Variants in CARNMT1 observed in about 807,000 individuals in gnomAD.
The protein encoded by CARNMT1 is carnosine N-methyltransferase 1.
A neutral mutation model predicts 49.6 loss-of-function variants in CARNMT1; 28 were observed. That is an observed-to-expected ratio of 0.56 (90% CI 0.42 to 0.77). The LOEUF is 0.77. Ranked by LOEUF, CARNMT1 falls within the 30% of genes least tolerant of loss-of-function variation. The pLI is 0.00. For missense variants in CARNMT1, 421 were observed against 512.6 expected (o/e 0.82, Z 1.73); for synonymous variants, 178 against 175.0 (o/e 1.02, Z -0.13).
intron 5 of CARNMT1, among the ~76,000 whole-genome samples, chr9:74,997,210 G>A (rs935001911): frequency 6.6e-6 from 1 of 152,084 alleles, no homozygotes; most frequent in Non-Finnish European, 1.5e-5. Context: ...TCCAGAAAAA[G>A]GGGACTTTTA....
intron 3 of CARNMT1, among the ~76,000 whole-genome samples, chr9:75,003,072 T>C (rs1294984831): frequency 2.0e-5 from 3 of 152,196 alleles, no homozygotes; most frequent in African/African-American, 4.8e-5. Flanking sequence ...AAATTGACTA[T>C]AAATCAGGAG....
rs1480131409 is a variant in CARNMT1 at position 74,982,539 on chromosome 9, C to T, written c.*1228G>A. 3 of 152,186 alleles carry T rather than the reference C, an allele frequency of 2.0e-5. No individual in the cohort carries two copies. The highest frequency in any genetic ancestry group is 7.2e-5 in the African/African-American group (3 of 41,452). The allele number at this position is 152,186 out of a possible 1,614,324, so 9.4% of individuals were successfully genotyped here. ...ATCAGGGAACAAAATTGGTATTAAT[C>T]TGAAATTACATGATGGCTGCTGCTT... On this transcript the variant is annotated 3_prime_UTR_variant, in exon 8 of 8. Transcript: ENST00000376834.
rs148719350 is a variant in CARNMT1 at position 75,017,341 on chromosome 9, C to T, written c.338G>A (p.Arg113Gln). Reference protein sequence around the residue: ...PQFLLHLDKIRKCIDHNQEIL... With the variant: ...PQFLLHLDKIQKCIDHNQEIL... ...TTCTTGATTATGATCAATGCATTTC[C>T]GGATCTTGTCCAAGTGAAGAAGAAA... Residue 113 changes from arginine (R) to glutamine (Q), a missense_variant, in exon 2 of 8, where the codon CGG (arginine) becomes CAG (glutamine). By Grantham distance (43) the Arg-to-Gln change is conservative (BLOSUM62 1). Transcript: ENST00000376834. 21 of 1,613,952 alleles carry T rather than the reference C, an allele frequency of 1.3e-5. No homozygotes were observed. Among genetic ancestry groups the T allele is most frequent in the South Asian group, 2.2e-5 (2 of 91,074 alleles).
intron 1 of CARNMT1, among the ~76,000 whole-genome samples, chr9:75,025,226 G>A (rs1587316132): frequency 6.6e-6 from 1 of 152,304 alleles, no homozygotes; most frequent in Non-Finnish European, 1.5e-5. Flanking sequence ...GACCCATGGT[G>A]TTATTTAAGG....
chr9:74,988,058 CT>C (rs995936058), intron 6 of CARNMT1, among the ~76,000 whole-genome samples: 1 of 151,808 alleles, frequency 6.6e-6, no homozygotes, highest in Admixed American at 6.6e-5. Context: ...TCTCTTCGTT[CT>C]TTTTTTCTTT....
At position 74,982,932 on chromosome 9, in the gene CARNMT1, T is replaced by A. The variant is rs1207553156; in HGVS notation, c.*835A>T. ...CTTTCATAAAGTGTTCAGTTTATTG[T>A]GGCCAAAAGACTTTGATATTTCTGT... On this transcript the variant is annotated 3_prime_UTR_variant, in exon 8 of 8. Transcript: ENST00000376834. 1.3e-5 allele frequency: 2 copies of A among 152,206 alleles called. 1 individual carries two copies. Among genetic ancestry groups the A allele is most frequent in the Admixed American group, 1.3e-4 (2 of 15,288 alleles). 9.4% of individuals were successfully genotyped at this position (152,206 alleles called of 1,614,324 possible).
chr9:75,027,036 T>C (rs1204313287), intron 1 of CARNMT1: 1 of 1,291,092 alleles, frequency 7.7e-7, no homozygotes, highest in South Asian at 1.2e-5. Context: ...GGAACCCACC[T>C]ATGGGAACAG....
In CARNMT1 at chr9:74,981,641, T is replaced by C; in HGVS notation, c.*2126A>G. Reference sequence around the variant, plus strand: ...TTTCAGAATTAACTAAAACATATGCTATAATTTAGAAATTTAACATTATTA... The same window carrying C: ...TTTCAGAATTAACTAAAACATATGCCATAATTTAGAAATTTAACATTATTA... On this transcript the variant is annotated 3_prime_UTR_variant, in exon 8 of 8. Coordinates refer to ENST00000376834, the MANE Select transcript of CARNMT1 (RefSeq NM_152420.3). 6.6e-6 allele frequency: 1 copy of C among 152,156 alleles called. No individual in the cohort carries two copies. The highest frequency in any genetic ancestry group is 3.4e-3 in the Middle Eastern group (1 of 294). The allele number at this position is 152,156 out of a possible 1,614,324, so 9.4% of individuals were successfully genotyped here.
rs964101726 is a variant in CARNMT1, at chr9:74,989,286, CT to C, written c.1025-4277del. On this transcript the variant is annotated intron_variant, in intron 6 of 7. Coordinates refer to ENST00000376834, the MANE Select transcript of CARNMT1 (RefSeq NM_152420.3). ...CCACTACACCTGGCTAATTTTTAAA[CT>C]TTTTTTTTAGAGATGAAGGGTCTTG... is the stretch of plus-strand genomic sequence containing the variant. Among the ~76,000 whole-genome samples, 248 of 150,882 alleles carry C rather than the reference CT, an allele frequency of 1.6e-3. 2 individuals carry two copies. Among genetic ancestry groups the C allele is most frequent in the African/African-American group, 5.0e-3 (206 of 41,114 alleles).
At chr9:74,995,300 C>A (rs1833154006) in intron 6 of CARNMT1, among the ~76,000 whole-genome samples, 2 of 152,124 alleles carry the variant, frequency 1.3e-5, no homozygotes, top group African/African-American at 2.4e-5. Flanking sequence ...GACTCTAAGT[C>A]TCTTCAACTA....
rs780773712 is a variant in CARNMT1, at chr9:75,028,063, C to T, written c.179G>A (p.Arg60Lys). The T allele has an allele frequency of 8.9e-6, 14 of 1,580,038 alleles. No homozygotes were observed. The highest frequency in any genetic ancestry group is 1.2e-5 in the Non-Finnish European group (14 of 1,165,546). Residue 60 changes from arginine (R) to lysine (K), a missense_variant, in exon 1 of 8, where the codon AGG (arginine) becomes AAG (lysine). Physicochemically the swap from Arg to Lys is conservative, Grantham distance 26. Coordinates refer to ENST00000376834, the MANE Select transcript of CARNMT1 (RefSeq NM_152420.3). ...CTTCCAGAAGTGCTCACGCTCAAGCCTCTCCTCCTCCTCCTCGGTGCTGCG... is the reference window on the plus strand; with the variant it reads ...CTTCCAGAAGTGCTCACGCTCAAGCTTCTCCTCCTCCTCCTCGGTGCTGCG... ...ATRSTEEEEERLEREHFWKII... is the reference protein window; with the variant it reads ...ATRSTEEEEEKLEREHFWKII...
chr9:75,007,465 A>G (rs1227919821), intron 3 of CARNMT1, among the ~76,000 whole-genome samples: 2 of 152,142 alleles, frequency 1.3e-5, no homozygotes. Flanking sequence ...GTGGTGGCTC[A>G]CACCTGTAAT....
At chr9:75,013,793 C>T (rs891006205) in intron 3 of CARNMT1, among the ~76,000 whole-genome samples, 5 of 151,728 alleles carry the variant, frequency 3.3e-5, no homozygotes, top group Non-Finnish European at 7.4e-5. Context: ...CACTTGAGGC[C>T]GGGAGTTCAA....
intron 3 of CARNMT1, chr9:75,015,971 GT>G (rs555648685): frequency 4.4e-6 from 1 of 228,316 alleles, no homozygotes; most frequent in Non-Finnish European, 8.5e-6. Flanking sequence ...TAAAAGTTTA[GT>G]TTTTTTGCTT....
rs117820545 is a variant in CARNMT1, at chr9:74,993,375, G to T, written c.1024+3072C>A. Among the ~76,000 whole-genome samples the T allele has an allele frequency of 5.6e-4, 86 of 152,290 alleles. 1 individual carries two copies. The East Asian group carries it at 0.016, about 28-fold the overall frequency. On this transcript the variant is annotated intron_variant, in intron 6 of 7. Transcript: ENST00000376834. ...GGCACTTGAGGTCAGAGAAGGGGTGGTAAAAAATAATCCTGAAGGTAAAAA... is the reference window on the plus strand; with the variant it reads ...GGCACTTGAGGTCAGAGAAGGGGTGTTAAAAAATAATCCTGAAGGTAAAAA...
intron 3 of CARNMT1, among the ~76,000 whole-genome samples, chr9:75,013,810 C>G (rs989955110): frequency 1.3e-5 from 2 of 151,728 alleles, no homozygotes; most frequent in African/African-American, 4.8e-5. Context: ...TCAAGACCAG[C>G]CTGTTCAACA....
intron 1 of CARNMT1, among the ~76,000 whole-genome samples, chr9:75,021,183 C>T (rs1049669191): frequency 2.7e-5 from 4 of 149,586 alleles, no homozygotes; most frequent in Admixed American, 6.7e-5. Flanking sequence ...ACACAGCAAG[C>T]GCTCAAAATA....
intron 1 of CARNMT1, among the ~76,000 whole-genome samples, chr9:75,020,276 T>C (rs1460947321): frequency 2.0e-5 from 3 of 148,332 alleles, no homozygotes; most frequent in Non-Finnish European, 4.5e-5. Flanking sequence ...TCTTTTTTTT[T>C]TTTTTTTTTG....
intron 3 of CARNMT1, among the ~76,000 whole-genome samples, chr9:75,013,813 G>C (rs1018925925): frequency 6.6e-6 from 1 of 151,926 alleles, no homozygotes; most frequent in Non-Finnish European, 1.5e-5. Context: ...AGACCAGCCT[G>C]TTCAACATAG....
Sources: gnomAD v4.1 joint callset for allele counts (sites outside exome capture counted in the v4.1 genomes callset) on GRCh38, gnomAD v4.1.1 for gene constraint, MANE v1.5 for transcripts, NCBI Gene and HGNC (gene_info 2026-07-23, HGNC 2026-07-21) for gene names.